Variants in HS6ST2 observed in about 807,000 individuals in gnomAD.
HS6ST2 encodes heparan sulfate 6-O-sulfotransferase 2.
Under a neutral mutation model 33.0 loss-of-function variants are expected in HS6ST2, and 17 were observed. That is an observed-to-expected ratio of 0.52 (90% confidence interval 0.35 to 0.77). HS6ST2 has a LOEUF of 0.77. HS6ST2 is among the 30% of genes least tolerant of loss of function. The pLI is 0.01. For synonymous variants in HS6ST2, 248 were observed against 237.1 expected (o/e 1.05, Z -0.42); for missense variants, 519 against 551.7 (o/e 0.94, Z 0.59).
At chrX:132,873,159 G>A (rs1415073000) in intron 2 of HS6ST2, among the ~76,000 whole-genome samples, 1 of 111,904 alleles carries the variant, frequency 8.9e-6, no homozygotes, top group African/African-American at 3.2e-5. Context: ...AAGTCTACAT[G>A]AGGCACTAAT....
chrX:132,892,186 T>C (rs1056775875), intron 2 of HS6ST2, among the ~76,000 whole-genome samples: 2 of 112,312 alleles, frequency 1.8e-5, no homozygotes, highest in Non-Finnish European at 3.8e-5. Context: ...ATTTTGTTCT[T>C]TCAAAATGTT....
At chrX:132,644,345 CACTCAAT>C (rs1410145743) in intron 4 of HS6ST2, among the ~76,000 whole-genome samples, 2 of 110,932 alleles carry the variant, frequency 1.8e-5, no homozygotes, top group East Asian at 2.9e-4. Flanking sequence ...GTTAGTTTCT[CACTCAAT>C]CCTATGAAGT....
chrX:132,696,277 C>A (rs2064104410), intron 3 of HS6ST2, among the ~76,000 whole-genome samples: 1 of 111,558 alleles, frequency 9.0e-6, no homozygotes, highest in African/African-American at 3.3e-5. Context: ...CCATGCCTGC[C>A]CGTGTATATC....
chrX:132,768,401 T>G (rs762368212), intron 2 of HS6ST2, among the ~76,000 whole-genome samples: 1 of 109,829 alleles, frequency 9.1e-6, no homozygotes, highest in Non-Finnish European at 1.9e-5. Flanking sequence ...GCCAAATACT[T>G]TATCAGACCC....
intron 2 of HS6ST2, among the ~76,000 whole-genome samples, chrX:132,736,902 G>A (rs1171786806): frequency 8.9e-6 from 1 of 111,747 alleles, no homozygotes; most frequent in Non-Finnish European, 1.9e-5. Flanking sequence ...GGACCCATAT[G>A]CCCACATTGG....
In HS6ST2 at chrX:132,626,035, A is replaced by G. The variant is rs2063479098; in HGVS notation, c.*2188T>C. Reference sequence around the variant, plus strand: ...GAGCCTGTAATTTAAACTTTATTTCATATCTATTGTTAAATTACACAAAAT... The same window carrying G: ...GAGCCTGTAATTTAAACTTTATTTCGTATCTATTGTTAAATTACACAAAAT... On this transcript the variant is annotated 3_prime_UTR_variant, in exon 5 of 5. Transcript: ENST00000370833. The G allele has an allele frequency of 8.9e-6, 1 of 112,947 alleles. No homozygotes were observed. The highest frequency in any genetic ancestry group is 2.8e-4 in the East Asian group (1 of 3,605). The allele number at this position is 112,947 out of a possible 1,213,427, so 9.3% of individuals were successfully genotyped here.
chrX:132,818,098 G>T, intron 2 of HS6ST2, among the ~76,000 whole-genome samples: 1 of 111,411 alleles, frequency 9.0e-6, no homozygotes, highest in South Asian at 3.9e-4. Flanking sequence ...ACAAAACCTA[G>T]GTGAAGAGCC....
intron 2 of HS6ST2, among the ~76,000 whole-genome samples, chrX:132,808,340 T>C (rs1383894290): frequency 8.9e-6 from 1 of 111,859 alleles, no homozygotes; most frequent in African/African-American, 3.3e-5. Flanking sequence ...GTGCCTGTAA[T>C]ATAAATGATT....
chrX:132,891,226 G>T (rs2066307109), intron 2 of HS6ST2, among the ~76,000 whole-genome samples: 1 of 108,610 alleles, frequency 9.2e-6, no homozygotes, highest in Non-Finnish European at 1.9e-5. Context: ...CCTGCTTAGA[G>T]TGTCAGCAAT....
At chrX:132,960,454 A>G (rs1275531670), upstream of HS6ST2, among the ~76,000 whole-genome samples, 1 of 111,493 alleles carries the variant, frequency 9.0e-6, no homozygotes, top group African/African-American at 3.3e-5. Flanking sequence ...CAGGTGGGTC[A>G]CAAATTCAAG....
intron 2 of HS6ST2, among the ~76,000 whole-genome samples, chrX:132,954,019 C>T (rs1227725218): frequency 8.9e-6 from 1 of 112,217 alleles, no homozygotes; most frequent in Non-Finnish European, 1.9e-5. Context: ...AACTCAGTGA[C>T]CCCGGGGAAG....
chrX:132,898,381 TTA>T (rs10545986), intron 2 of HS6ST2, among the ~76,000 whole-genome samples: 10,889 of 89,018 alleles, frequency 0.12, 1,367 homozygotes, highest in African/African-American at 0.37. Context: ...CAACATAAGG[TTA>T]TATATATATA....
intron 2 of HS6ST2, among the ~76,000 whole-genome samples, chrX:132,863,501 T>TC (rs1417154904): frequency 6.5e-5 from 7 of 107,584 alleles, no homozygotes; most frequent in Non-Finnish European, 1.3e-4. Context: ...ATTTTTTTTT[T>TC]TTTTTTGAGA....
intron 2 of HS6ST2, among the ~76,000 whole-genome samples, chrX:132,930,413 C>T (rs1040100504): frequency 2.7e-5 from 3 of 111,103 alleles, no homozygotes; most frequent in African/African-American, 9.8e-5. Flanking sequence ...GATCCACCCA[C>T]CTCGGCCTCC....
chrX:132,654,680 T>C (rs1281474242), intron 4 of HS6ST2, among the ~76,000 whole-genome samples: 1 of 112,143 alleles, frequency 8.9e-6, no homozygotes, highest in African/African-American at 3.2e-5. Context: ...GAATAGGTGG[T>C]CTTTTCTGGC....
At chrX:132,639,171 C>T (rs1039009115) in intron 4 of HS6ST2, among the ~76,000 whole-genome samples, 4 of 112,224 alleles carry the variant, frequency 3.6e-5, no homozygotes, top group Non-Finnish European at 7.5e-5. Flanking sequence ...GTGATATTTA[C>T]TTCTTTTTAA....
At chrX:132,810,940 G>A (rs2065335396) in intron 2 of HS6ST2, among the ~76,000 whole-genome samples, 1 of 112,439 alleles carries the variant, frequency 8.9e-6, no homozygotes, top group Non-Finnish European at 1.9e-5. Context: ...CAACTCATAG[G>A]CTATAAAATA....
chrX:132,958,469 G>T lies in HS6ST2; in HGVS notation c.134C>A (p.Ser45Ter). The change falls in exon 1 of 5, where the codon TCG becomes TAG. Residue 45 changes from serine (S) to a stop codon, truncating the protein, a stop_gained. Transcript: ENST00000370833. LOFTEE classifies it high-confidence loss of function. ...GCCCGCGCGAACTGAGGCGGCGACC[G>T]ACCCGGGCCGGCTCGCTGCCAATTC... ...EAELAASRPGSVAASVRAGPP... is the reference protein window; with the variant it reads ...EAELAASRPG The T allele has an allele frequency of 1.7e-6, 2 of 1,197,125 alleles. No individual in the cohort carries two copies. The highest frequency in any genetic ancestry group is 2.2e-6 in the Non-Finnish European group (2 of 890,025).
chrX:132,865,347 T>C (rs1471604862), intron 2 of HS6ST2, among the ~76,000 whole-genome samples: 1 of 111,080 alleles, frequency 9.0e-6, no homozygotes, highest in Admixed American at 9.6e-5. Context: ...ATGGTGTATA[T>C]GTGCCACATT....
Sources: gnomAD v4.1 joint callset for allele counts (sites outside exome capture counted in the v4.1 genomes callset) on GRCh38, gnomAD v4.1.1 for gene constraint, MANE v1.5 for transcripts, NCBI Gene and HGNC (gene_info 2026-07-23, HGNC 2026-07-21) for gene names.